The following TNIK variants were observed in gnomAD, a reference collection of about 807,000 sequenced individuals.
TNIK encodes the protein TRAF2 and NCK-interacting protein kinase.
TNIK carries 49 observed loss-of-function variants against 191.3 expected under a neutral mutation model. The ratio of observed to expected loss-of-function variants is 0.26; its 90% CI spans 0.20 to 0.32. The LOEUF is 0.32. TNIK is among the 10% of genes least tolerant of loss of function. TNIK has a pLI of 1.00. For synonymous variants in TNIK, 594 were observed against 600.9 expected, an observed-to-expected ratio of 0.99 and a Z score of 0.17; for missense variants, 1,155 against 1,702.3, an observed-to-expected ratio of 0.68 and a Z score of 5.66.
intron 18 of TNIK, among the ~76,000 whole-genome samples, chr3:171,111,976 T>TA (rs1466021940): frequency 6.6e-6 from 1 of 152,100 alleles, no homozygotes; most frequent in African/African-American, 2.4e-5. Context: ...ACAGCATGAG[T>TA]AACTTTTGGA....
Position 171,128,820 on chromosome 3 carries a change from G to A in TNIK, c.1667C>T (p.Ala556Val). The change falls in exon 16 of 33, where the codon GCC becomes GTC. Residue 556 changes from alanine (A) to valine (V), a missense_variant. Physicochemically the swap from Ala to Val is moderately conservative, Grantham distance 64. This residue lies in a region of TNIK where 735 missense variants were observed against 848.0 expected (regional missense o/e 0.87). Coordinates refer to ENST00000436636, the MANE Select transcript of TNIK (RefSeq NM_015028.4). ...CAGGTTGGGGTCAGATATCCTGTTGGCAACCTTGTGAGGCATGGCAGGGGA... is the reference window on the plus strand; with the variant it reads ...CAGGTTGGGGTCAGATATCCTGTTGACAACCTTGTGAGGCATGGCAGGGGA... ...QSSPAMPHKV[A>V]NRISDPNLPP... is the part of the protein sequence containing the mutation. The A allele has an allele frequency of 1.3e-6, 2 of 1,597,276 alleles. No individual in the cohort carries two copies. Among genetic ancestry groups the A allele is most frequent in the East Asian group, 2.3e-5 (1 of 44,440 alleles).
chr3:171,101,548 G>A lies in TNIK; in HGVS notation c.2492C>T (p.Ser831Phe). Residue 831 changes from serine (S) to phenylalanine (F), a missense_variant, in exon 22 of 33, where the codon TCC (serine) becomes TTC (phenylalanine). Ser to Phe is a radical substitution (Grantham distance 155, BLOSUM62 -2). Transcript: ENST00000436636. ...GCTACTTTCTGACTCCTCACTGGAGGAGGAGTAATCAGTCACCTTCTTCAT... is the reference window on the plus strand; with the variant it reads ...GCTACTTTCTGACTCCTCACTGGAGAAGGAGTAATCAGTCACCTTCTTCAT... Reference protein sequence around the residue: ...RPMKKVTDYSSSSEESESSEE... With the variant: ...RPMKKVTDYSFSSEESESSEE... 1 of 1,613,430 alleles carries A rather than the reference G, an allele frequency of 6.2e-7. No individual in the cohort carries two copies. Among genetic ancestry groups the A allele is most frequent in the Non-Finnish European group, 8.5e-7 (1 of 1,179,566 alleles).
chr3:171,269,182 GA>G (rs1286653469), intron 2 of TNIK, among the ~76,000 whole-genome samples: 1 of 152,136 alleles, frequency 6.6e-6, no homozygotes. Context: ...TTCTTACAAT[GA>G]AAGGGAGTAA....
intron 22 of TNIK, among the ~76,000 whole-genome samples, chr3:171,094,511 T>C (rs1722474146): frequency 6.6e-6 from 1 of 152,188 alleles, no homozygotes; most frequent in Non-Finnish European, 1.5e-5. Flanking sequence ...TGACCTATTC[T>C]CTGCCCAGTA....
chr3:171,257,964 G>C (rs996204959), intron 2 of TNIK, among the ~76,000 whole-genome samples: 8 of 152,158 alleles, frequency 5.3e-5, no homozygotes, highest in Non-Finnish European at 1.0e-4. Flanking sequence ...AGCCTTTTAT[G>C]GTTCCTGCAT....
intron 1 of TNIK, among the ~76,000 whole-genome samples, chr3:171,418,759 A>G (rs1311498305): frequency 6.6e-6 from 1 of 152,204 alleles, no homozygotes; most frequent in African/African-American, 2.4e-5. Flanking sequence ...ATATCCATAC[A>G]ATGGTATATT....
chr3:171,381,077 T>C (rs1717963556), intron 1 of TNIK, among the ~76,000 whole-genome samples: 1 of 152,166 alleles, frequency 6.6e-6, no homozygotes, highest in African/African-American at 2.4e-5. Flanking sequence ...TTTCAAGCTT[T>C]TATATCTATG....
At chr3:171,376,746 TGATAGATAGATAGATAGATA>T (rs3084308) in intron 1 of TNIK, among the ~76,000 whole-genome samples, 4 of 148,670 alleles carry the variant, frequency 2.7e-5, no homozygotes, top group Non-Finnish European at 5.9e-5. Context: ...GATAGATAGA[TGATAGATAGATAGATAGATA>T]GATAGATAGA....
chr3:171,257,394 A>C (rs1475500009), intron 2 of TNIK, among the ~76,000 whole-genome samples: 1 of 152,218 alleles, frequency 6.6e-6, no homozygotes, highest in African/African-American at 2.4e-5. Flanking sequence ...AACCACTCTC[A>C]GCTTCAGTCA....
intron 2 of TNIK, among the ~76,000 whole-genome samples, chr3:171,279,492 C>T (rs1228546693): frequency 6.6e-6 from 1 of 152,136 alleles, no homozygotes; most frequent in Admixed American, 6.5e-5. Flanking sequence ...AAGAATTATA[C>T]CGATTTGCCC....
In TNIK at chr3:171,170,813, G is replaced by A. The variant is rs541488450; in HGVS notation, c.774-3543C>T. The stretch of plus-strand genomic sequence containing the variant: ...CACCTATAATCCCAGTGCTTTGGGA[G>A]GCTGAGATGGATGGATTGCTTGAGG... On this transcript the variant is annotated intron_variant, in intron 9 of 32. Transcript: ENST00000436636. Among the ~76,000 whole-genome samples, 774 of 152,324 alleles carry A rather than the reference G, an allele frequency of 5.1e-3. 6 individuals are homozygous for A. The highest frequency in any genetic ancestry group is 7.2e-3 in the Non-Finnish European group (489 of 68,030).
chr3:171,198,092 A>G (rs1166466242), intron 4 of TNIK, among the ~76,000 whole-genome samples: 5 of 152,226 alleles, frequency 3.3e-5, no homozygotes, highest in Admixed American at 6.5e-5. Context: ...CATGGAAAGG[A>G]ATGAAATACT....
intron 23 of TNIK, among the ~76,000 whole-genome samples, chr3:171,092,735 T>G (rs1292190000): frequency 6.6e-6 from 1 of 152,232 alleles, no homozygotes; most frequent in Non-Finnish European, 1.5e-5. Flanking sequence ...CTAATTATTA[T>G]TTCAAAGGCC....
chr3:171,129,136 G>T (rs886460078), intron 15 of TNIK, among the ~76,000 whole-genome samples: 1 of 152,242 alleles, frequency 6.6e-6, no homozygotes, highest in South Asian at 2.1e-4. Context: ...CAGGGAATTC[G>T]TGACCTGCTA....
At chr3:171,120,815 CTT>C (rs1019560380) in intron 18 of TNIK, among the ~76,000 whole-genome samples, 3 of 152,044 alleles carry the variant, frequency 2.0e-5, no homozygotes, top group African/African-American at 7.2e-5. Flanking sequence ...GGTTCTGCCT[CTT>C]TTAGTTAATT....
At chr3:171,201,097 G>T (rs1031548533) in intron 4 of TNIK, among the ~76,000 whole-genome samples, 8 of 152,046 alleles carry the variant, frequency 5.3e-5, no homozygotes, top group Non-Finnish European at 1.5e-5. Flanking sequence ...AGTTTAAAAG[G>T]CACCCTAAGA....
At chr3:171,384,732 T>C (rs1386882117) in intron 1 of TNIK, among the ~76,000 whole-genome samples, 1 of 152,324 alleles carries the variant, frequency 6.6e-6, no homozygotes, top group Non-Finnish European at 1.5e-5. Flanking sequence ...CATGTCAGAT[T>C]AGTAAAAATA....
chr3:171,080,940 A>G (rs1286549713), intron 27 of TNIK, among the ~76,000 whole-genome samples: 4 of 152,158 alleles, frequency 2.6e-5, no homozygotes, highest in Non-Finnish European at 5.9e-5. Context: ...AGGTTAGTTC[A>G]AGAATCTTTT....
chr3:171,185,946 CAT>C (rs1210281876), intron 7 of TNIK, among the ~76,000 whole-genome samples: 1 of 152,162 alleles, frequency 6.6e-6, no homozygotes, highest in Non-Finnish European at 1.5e-5. Context: ...GGCTATAGCA[CAT>C]GAGGGCCCAA....
Sources: gnomAD v4.1 joint callset for allele counts (sites outside exome capture counted in the v4.1 genomes callset) on GRCh38, gnomAD v4.1.1 for gene constraint, gnomAD v4.1.1 regional missense constraint, MANE v1.5 for transcripts, NCBI Gene and HGNC (gene_info 2026-07-23, HGNC 2026-07-21) for gene names.